The following SYT2 variants were observed in gnomAD, a reference collection of about 807,000 sequenced individuals.
The protein encoded by SYT2 is synaptotagmin-2.
SYT2 carries 15 observed loss-of-function variants against 39.9 expected under a neutral mutation model. That is an observed-to-expected ratio of 0.38 (90% CI 0.25 to 0.58). SYT2 has a LOEUF of 0.58. SYT2 is among the 20% of genes least tolerant of loss of function. The pLI, the probability that SYT2 is intolerant of heterozygous loss-of-function variation, is 0.70. For missense variants in SYT2, 389 were observed against 530.3 expected (o/e 0.73, Z 2.62); for synonymous variants, 181 against 204.5 (o/e 0.89, Z 0.98).
chr1:202,693,278 C>T (rs1443882530), intron 1 of SYT2, among the ~76,000 whole-genome samples: 1 of 152,140 alleles, frequency 6.6e-6, no homozygotes, highest in African/African-American at 2.4e-5. Context: ...TCCAAGAGGC[C>T]ATTTAAGTGA....
At chr1:202,678,038 C>T (rs959880649) in intron 1 of SYT2, among the ~76,000 whole-genome samples, 10 of 152,138 alleles carry the variant, frequency 6.6e-5, no homozygotes, top group African/African-American at 2.4e-4. Context: ...CTTTGAGAGG[C>T]CAAGGCGGGT....
At chr1:202,617,479 G>T (rs941029176) in intron 1 of SYT2, among the ~76,000 whole-genome samples, 1 of 152,090 alleles carries the variant, frequency 6.6e-6, no homozygotes, top group African/African-American at 2.4e-5. Context: ...TCCAGAAGCC[G>T]AGCAGATGCC....
chr1:202,705,257 A>C (rs1275434642), intron 1 of SYT2, among the ~76,000 whole-genome samples: 1 of 152,218 alleles, frequency 6.6e-6, no homozygotes, highest in Non-Finnish European at 1.5e-5. Flanking sequence ...TTGCCCGTTC[A>C]TTGTAAAGTG....
intron 1 of SYT2, among the ~76,000 whole-genome samples, chr1:202,666,847 T>A (rs530301290): frequency 2.0e-5 from 3 of 152,300 alleles, no homozygotes; most frequent in Non-Finnish European, 2.9e-5. Context: ...CCGGGTGTGA[T>A]GGCAGGTGCC....
intron 1 of SYT2, among the ~76,000 whole-genome samples, chr1:202,675,297 C>T (rs868501401): frequency 3.4e-4 from 51 of 151,610 alleles, no homozygotes; most frequent in African/African-American, 1.2e-3. Flanking sequence ...GCCAAACACA[C>T]TAATAGGCCC....
chr1:202,659,216 G>C (rs1030938229), intron 1 of SYT2, among the ~76,000 whole-genome samples: 6 of 152,100 alleles, frequency 3.9e-5, no homozygotes, highest in Non-Finnish European at 7.4e-5. Flanking sequence ...AACTAATTCT[G>C]CACACATGCT....
At chr1:202,598,942 C>T (rs538352946) in intron 8 of SYT2, among the ~76,000 whole-genome samples, 42 of 152,304 alleles carry the variant, frequency 2.8e-4, no homozygotes, top group African/African-American at 8.7e-4. Context: ...CTTTGCTATA[C>T]CCCCATACAT....
In SYT2 at chr1:202,661,099, G is replaced by A. The variant is rs139910607; in HGVS notation, c.-18+49159C>T. 8.0e-4 allele frequency among the ~76,000 whole-genome samples: 122 copies of A among 152,192 alleles called. 2 individuals carry two copies. The East Asian group carries it at 0.013, about 17-fold the overall frequency. The stretch of plus-strand genomic sequence containing the variant: ...TGAGATAAAAATCCGTGCCCTCATG[G>A]ACCATATAATTTGTGTATTCATTGA... On this transcript the variant is annotated intron_variant, in intron 1 of 8. Coordinates refer to ENST00000367268, the MANE Select transcript of SYT2 (RefSeq NM_177402.5).
intron 1 of SYT2, among the ~76,000 whole-genome samples, chr1:202,638,774 A>C (rs1691819271): frequency 6.6e-6 from 1 of 151,990 alleles, no homozygotes; most frequent in African/African-American, 2.4e-5. Flanking sequence ...ACCCCGCCCC[A>C]TCCCAAGTCA....
In SYT2 at chr1:202,601,321, C is replaced by T. The variant is rs1157941075; in HGVS notation, c.801+569G>A. Among the ~76,000 whole-genome samples, 1 of 152,248 alleles carries T rather than the reference C, an allele frequency of 6.6e-6. No individual in the cohort carries two copies. Among genetic ancestry groups the T allele is most frequent in the Non-Finnish European group, 1.5e-5 (1 of 68,044 alleles). On this transcript the variant is annotated intron_variant, in intron 6 of 8. Coordinates refer to ENST00000367268, the MANE Select transcript of SYT2 (RefSeq NM_177402.5). This position sits in a 1 kb window ranked among gnomAD's most constrained non-coding sequence, Gnocchi z 4.0. ...AAAAAGGATGTCTTAAGCTTCTCTA[C>T]TCAGCCCTCCATCACTGCCTAGAGT...
chr1:202,678,433 A>G (rs1055732532), intron 1 of SYT2, among the ~76,000 whole-genome samples: 8 of 151,720 alleles, frequency 5.3e-5, no homozygotes, highest in Non-Finnish European at 1.2e-4. Flanking sequence ...TGGAGACTGC[A>G]TCTGTTTCTT....
rs1351661853 is a variant in SYT2 at position 202,590,940 on chromosome 1, A to G, written c.*5817T>C. ...TTGAAGAGGCCCCCCTAAAGTCCTG[A>G]TCGCTAAGGCAGGTGGGATGGAGGA... On this transcript the variant is annotated 3_prime_UTR_variant, in exon 9 of 9. Coordinates refer to ENST00000367268, the MANE Select transcript of SYT2 (RefSeq NM_177402.5). 1 of 152,212 alleles carries G rather than the reference A, an allele frequency of 6.6e-6. No individual in the cohort carries two copies. Among genetic ancestry groups the G allele is most frequent in the African/African-American group, 2.4e-5 (1 of 41,446 alleles). The allele number at this position is 152,212 out of a possible 1,614,324, so 9.4% of individuals were successfully genotyped here. A position where few individuals can be genotyped will look rare whatever the true frequency, so the allele number is the denominator to read the frequency against.
rs573381560 is a variant in SYT2 at position 202,665,410 on chromosome 1, G to A, written c.-18+44848C>T. 1.8e-4 allele frequency among the ~76,000 whole-genome samples: 27 copies of A among 152,286 alleles called. No individual in the cohort carries two copies. In the South Asian group the frequency reaches 5.2e-3, roughly 29 times the overall value. ...GTCCTGGGCTAAGTACATATGACAA[G>A]GCGCCTGACCTCAAGGCCCTTGTCA... On this transcript the variant is annotated intron_variant, in intron 1 of 8. Coordinates refer to ENST00000367268, the MANE Select transcript of SYT2 (RefSeq NM_177402.5).
rs567533977 is a variant in SYT2, at chr1:202,664,973, A to T, written c.-18+45285T>A. Among the ~76,000 whole-genome samples the T allele has an allele frequency of 3.9e-5, 6 of 152,340 alleles. No individual in the cohort carries two copies. In the South Asian group the frequency reaches 1.2e-3, roughly 32 times the overall value. On this transcript the variant is annotated intron_variant, in intron 1 of 8. Transcript: ENST00000367268. The stretch of plus-strand genomic sequence containing the variant: ...TGCACCCGGACTTCTCAGCATAATT[A>T]TTCTAAGATTCATTCATGTCGTTAC...
intron 1 of SYT2, among the ~76,000 whole-genome samples, chr1:202,701,668 C>G (rs1157302880): frequency 6.6e-6 from 1 of 152,138 alleles, no homozygotes; most frequent in African/African-American, 2.4e-5. Context: ...CTTCACCCAC[C>G]ACTGCTTTAG....
chr1:202,598,664 G>A (rs777034020), intron 8 of SYT2, among the ~76,000 whole-genome samples: 7 of 152,144 alleles, frequency 4.6e-5, no homozygotes, highest in Non-Finnish European at 1.0e-4. Context: ...GTCCTACCAC[G>A]TCCAGATCCC....
chr1:202,616,979 T>C (rs191601265), intron 1 of SYT2, among the ~76,000 whole-genome samples: 1 of 152,308 alleles, frequency 6.6e-6, no homozygotes, highest in East Asian at 1.9e-4. Flanking sequence ...GCAATCTTCA[T>C]AAAATGCAAA....
At chr1:202,626,376 A>C (rs1386080946) in intron 1 of SYT2, among the ~76,000 whole-genome samples, 1 of 140,076 alleles carries the variant, frequency 7.1e-6, no homozygotes, top group Non-Finnish European at 1.5e-5. Flanking sequence ...GTGGCTTTGC[A>C]TCTCCCAAGA....
rs1558463455 is a variant in SYT2 at position 202,691,739 on chromosome 1, G to C, written c.-18+18519C>G. Among the ~76,000 whole-genome samples, 20 of 67,904 alleles carry C rather than the reference G, an allele frequency of 2.9e-4. 1 individual carries two copies. In the South Asian group the frequency reaches 3.7e-3, roughly 13 times the overall value. 44.5% of individuals were successfully genotyped at this position (67,904 alleles called of 152,430 possible). On this transcript the variant is annotated intron_variant, in intron 1 of 8. Coordinates refer to ENST00000367268, the MANE Select transcript of SYT2 (RefSeq NM_177402.5). ...AGGGAGAGGGAGAGGGGGGGAGAGA[G>C]AGAGAGAGAGAGAGAGAGAGAGAGA...
Sources: gnomAD v4.1 joint callset for allele counts (sites outside exome capture counted in the v4.1 genomes callset) on GRCh38, gnomAD v4.1.1 for gene constraint, Gnocchi (gnomAD v3.1) non-coding constraint, MANE v1.5 for transcripts, NCBI Gene and HGNC (gene_info 2026-07-23, HGNC 2026-07-21) for gene names.